Variants in FSTL5 observed in about 807,000 individuals in gnomAD.
FSTL5 encodes the protein follistatin like 5.
FSTL5 carries 62 observed loss-of-function variants against 89.1 expected under a neutral mutation model. The ratio of observed to expected loss-of-function variants is 0.70; its 90% CI spans 0.57 to 0.86. FSTL5 has a LOEUF of 0.86. FSTL5 is among the 40% of genes least tolerant of loss of function. The pLI is 0.00. For synonymous variants in FSTL5, 383 were observed against 346.2 expected (o/e 1.11, Z -1.18); for missense variants, 1,057 against 1,001.6 (o/e 1.06, Z -0.75).
intron 4 of FSTL5, among the ~76,000 whole-genome samples, chr4:161,857,096 G>A (rs1005938686): frequency 2.0e-5 from 3 of 152,158 alleles, no homozygotes; most frequent in African/African-American, 4.8e-5. Flanking sequence ...ATTCAAAGGT[G>A]GCAGGGGCAT....
chr4:161,581,468 C>T (rs531544716), intron 8 of FSTL5, among the ~76,000 whole-genome samples: 19 of 152,312 alleles, frequency 1.2e-4, no homozygotes, highest in East Asian at 7.7e-4. Flanking sequence ...TTAGCTAGGA[C>T]GGTTTACCAC....
chr4:161,914,196 T>C (rs1733776810), intron 4 of FSTL5, among the ~76,000 whole-genome samples: 1 of 152,176 alleles, frequency 6.6e-6, no homozygotes, highest in African/African-American at 2.4e-5. Context: ...CTTTTGACTA[T>C]TGTGCCCATG....
At chr4:161,615,555 A>G (rs557182893) in intron 7 of FSTL5, among the ~76,000 whole-genome samples, 24 of 152,066 alleles carry the variant, frequency 1.6e-4, no homozygotes, top group Middle Eastern at 6.8e-3. Context: ...ACATGCATGT[A>G]CACGCACACA....
chr4:161,456,860 C>G (rs1304897300), intron 14 of FSTL5, among the ~76,000 whole-genome samples: 1 of 152,154 alleles, frequency 6.6e-6, no homozygotes, highest in Non-Finnish European at 1.5e-5. Context: ...GAACCATTTA[C>G]TGACATTCAA....
At chr4:161,555,287 C>T (rs989992619) in intron 8 of FSTL5, among the ~76,000 whole-genome samples, 3 of 151,324 alleles carry the variant, frequency 2.0e-5, no homozygotes, top group Admixed American at 6.6e-5. Flanking sequence ...CCTTTTTAAT[C>T]CTCAATTTCA....
chr4:161,828,041 CCCGGTT>C lies in FSTL5; in HGVS notation c.410-51973_410-51968del, dbSNP rs1423797986. 2.2e-4 allele frequency among the ~76,000 whole-genome samples: 34 copies of C among 152,286 alleles called. 1 individual carries two copies. Among genetic ancestry groups the C allele is most frequent in the African/African-American group, 7.9e-4 (33 of 41,556 alleles). On this transcript the variant is annotated intron_variant, in intron 4 of 15. Coordinates refer to ENST00000306100, the MANE Select transcript of FSTL5 (RefSeq NM_020116.5). Reference sequence around the variant, plus strand: ...AGTTTCCTTTATCATGTGGACTTTTCCCGGTTCCTCTGGTAGCCCTCCCCAAGGACC... The same window carrying C: ...AGTTTCCTTTATCATGTGGACTTTTCCCTCTGGTAGCCCTCCCCAAGGACC...
rs182853046 is a variant in FSTL5 at position 161,699,348 on chromosome 4, A to G, written c.728-42854T>C. Reference sequence around the variant, plus strand: ...TTTCACTATCAATTATATAATATTCAACATTTGCTGAACATTGAACATGTG... The same window carrying G: ...TTTCACTATCAATTATATAATATTCGACATTTGCTGAACATTGAACATGTG... On this transcript the variant is annotated intron_variant, in intron 6 of 15. Coordinates refer to ENST00000306100, the MANE Select transcript of FSTL5 (RefSeq NM_020116.5). Among the ~76,000 whole-genome samples the G allele has an allele frequency of 6.0e-3, 915 of 152,342 alleles. 12 individuals carry two copies. Among genetic ancestry groups the G allele is most frequent in the South Asian group, 0.047 (225 of 4,822 alleles).
At chr4:162,098,757 G>A (rs1337698290) in intron 2 of FSTL5, among the ~76,000 whole-genome samples, 1 of 151,908 alleles carries the variant, frequency 6.6e-6, no homozygotes, top group East Asian at 1.9e-4. Context: ...TGAGAGTCCA[G>A]AAATAAAATC....
At chr4:161,997,259 A>G (rs1736321894) in intron 3 of FSTL5, among the ~76,000 whole-genome samples, 1 of 152,198 alleles carries the variant, frequency 6.6e-6, no homozygotes, top group South Asian at 2.1e-4. Context: ...TAGAAATTTT[A>G]TGTTTTAGCA....
chr4:161,445,681 C>T (rs1224475005), intron 15 of FSTL5, among the ~76,000 whole-genome samples: 2 of 151,906 alleles, frequency 1.3e-5, no homozygotes, highest in African/African-American at 4.8e-5. Flanking sequence ...ACGTCATTTT[C>T]ATCCATGACA....
At chr4:161,478,803 C>A (rs368747046) in intron 13 of FSTL5, among the ~76,000 whole-genome samples, 1 of 151,894 alleles carries the variant, frequency 6.6e-6, no homozygotes, top group Non-Finnish European at 1.5e-5. Flanking sequence ...AAGTAGGTAA[C>A]TACAAATACA....
At chr4:162,111,536 C>A in intron 1 of FSTL5, 124 bp from the exon 2 acceptor site, 1 of 647,730 alleles carries the variant, frequency 1.5e-6, no homozygotes, top group African/African-American at 1.8e-5. Context: ...CTGGTAGTTG[C>A]CAAGGGAAAT....
intron 4 of FSTL5, among the ~76,000 whole-genome samples, chr4:161,829,139 T>TTTTA (rs1553969140): frequency 2.1e-5 from 3 of 139,934 alleles, no homozygotes; most frequent in African/African-American, 7.8e-5. Context: ...CAGTCACATT[T>TTTTA]TATATATATA....
chr4:161,756,443 C>T (rs1347175096), intron 6 of FSTL5, among the ~76,000 whole-genome samples: 1 of 151,990 alleles, frequency 6.6e-6, no homozygotes, highest in Non-Finnish European at 1.5e-5. Flanking sequence ...TTTTAACATA[C>T]TACTTTCTAA....
In FSTL5 at chr4:161,971,321, T is replaced by C. The variant is rs562495815; in HGVS notation, c.161-50669A>G. On this transcript the variant is annotated intron_variant, in intron 3 of 15. Transcript: ENST00000306100. ...TATTAGAATTTTTATATGGTTCTAC[T>C]TTAAAATATCAGAAATTTATGTTAC... Among the ~76,000 whole-genome samples, 599 of 152,296 alleles carry C rather than the reference T, an allele frequency of 3.9e-3. 3 individuals carry two copies. Among genetic ancestry groups the C allele is most frequent in the Non-Finnish European group, 6.5e-3 (441 of 67,978 alleles).
rs545241221 is a variant in FSTL5 at position 161,900,203 on chromosome 4, A to G, written c.409+20201T>C. Among the ~76,000 whole-genome samples the G allele has an allele frequency of 4.6e-5, 7 of 151,950 alleles. No individual in the cohort carries two copies. In the South Asian group the frequency reaches 1.5e-3, roughly 32 times the overall value. On this transcript the variant is annotated intron_variant, in intron 4 of 15. Transcript: ENST00000306100. ...GAGCGAGGCTCTGTCTCAAAAAGAAAAGAAAAGAAAGGAAAACCTTAGTTT... is the reference window on the plus strand; with the variant it reads ...GAGCGAGGCTCTGTCTCAAAAAGAAGAGAAAAGAAAGGAAAACCTTAGTTT...
intron 6 of FSTL5, among the ~76,000 whole-genome samples, chr4:161,663,325 C>T (rs1411738441): frequency 6.6e-6 from 1 of 152,154 alleles, no homozygotes; most frequent in Non-Finnish European, 1.5e-5. Flanking sequence ...CTCCTATGAG[C>T]CTTTAAAATC....
At chr4:161,426,965 A>G (rs1254027978) in intron 15 of FSTL5, among the ~76,000 whole-genome samples, 4 of 152,144 alleles carry the variant, frequency 2.6e-5, no homozygotes, top group Non-Finnish European at 5.9e-5. Context: ...GTCTAAATCA[A>G]TTGTTGAGCT....
At chr4:161,517,539 TAC>T (rs1730883297) in intron 10 of FSTL5, among the ~76,000 whole-genome samples, 1 of 152,158 alleles carries the variant, frequency 6.6e-6, no homozygotes, top group African/African-American at 2.4e-5. Context: ...GTTAGGATCT[TAC>T]ACTTATTTTC....
Sources: gnomAD v4.1 joint callset for allele counts (sites outside exome capture counted in the v4.1 genomes callset) on GRCh38, gnomAD v4.1.1 for gene constraint, MANE v1.5 for transcripts, NCBI Gene and HGNC (gene_info 2026-07-23, HGNC 2026-07-21) for gene names.